KRT79: variants seen among roughly 807,000 people sequenced by gnomAD.
The protein encoded by KRT79 is keratin, type II cytoskeletal 79.
Under a neutral mutation model 49.0 loss-of-function variants are expected in KRT79, and 51 were observed. That is an observed-to-expected ratio of 1.04 (90% CI 0.83 to 1.31). KRT79 has a LOEUF of 1.31. Among genes scored for constraint, KRT79 ranks in the 40% most tolerant of loss-of-function variants. The pLI, the probability that KRT79 is intolerant of heterozygous loss-of-function variation, is 0.00. For missense variants in KRT79, 728 were observed against 688.0 expected, an observed-to-expected ratio of 1.06 and a Z score of -0.65; for synonymous variants, 312 against 286.6, an observed-to-expected ratio of 1.09 and a Z score of -0.90.
intron 1 of KRT79, among the ~76,000 whole-genome samples, chr12:52,832,041 G>A (rs1242074213): frequency 1.3e-5 from 2 of 152,186 alleles, no homozygotes; most frequent in African/African-American, 4.8e-5. Context: ...GCCTGAAGCT[G>A]GAGGAGTGCT....
In KRT79 at chr12:52,833,899, T is replaced by A; in HGVS notation, c.362A>T (p.Gln121Leu). The change falls in exon 1 of 9, where the codon CAG (glutamine) becomes CTG (leucine). Residue 121 changes from glutamine (Q) to leucine (L), a missense_variant. Gln to Leu is a moderately radical substitution (Grantham distance 113, BLOSUM62 -2). Transcript: ENST00000330553. Reference protein sequence around the residue: ...PGGIQEVTVNQSLLTPLHVEI... With the variant: ...PGGIQEVTVNLSLLTPLHVEI... Reference sequence around the variant, plus strand: ...CACATGGAGGGGGGTCAGCAGGCTCTGGTTGACAGTGACCTCCTGGATCCC... The same window carrying A: ...CACATGGAGGGGGGTCAGCAGGCTCAGGTTGACAGTGACCTCCTGGATCCC... The A allele has an allele frequency of 6.2e-7, 1 of 1,613,934 alleles. No homozygotes were observed. The highest frequency in any genetic ancestry group is 2.2e-5 in the East Asian group (1 of 44,852).
At chr12:52,822,200 A>G in intron 8 of KRT79, 123 bp from the exon 9 acceptor site, 1 of 1,283,390 alleles carries the variant, frequency 7.8e-7, no homozygotes, top group South Asian at 1.3e-5. Context: ...TGGATAGAGA[A>G]GCCCAGAACT....
chr12:52,833,741 C>A, intron 1 of KRT79, 43 bp downstream of exon 1: 1 of 1,530,314 alleles, frequency 6.5e-7, no homozygotes, highest in Non-Finnish European at 9.1e-7. Flanking sequence ...AGAGGTCCCG[C>A]TTCTTCCCCA....
rs767613356 is a variant in KRT79 at position 52,834,006 on chromosome 12, C to T, written c.255G>A (p.Leu85=). Residue 85 remains leucine, a synonymous_variant, in exon 1 of 9, where the codon CTG becomes CTA. Coordinates refer to ENST00000330553, the MANE Select transcript of KRT79 (RefSeq NM_175834.3). The part of the protein sequence containing the change: ...VAGGALLGRA[L]GGFGFGSRAF... The stretch of plus-strand genomic sequence containing the variant: ...CCCTGCTGCCAAAGCCAAAGCCCCC[C>T]AGAGCCCGCCCCAACAAGGCCCCTC... The T allele has an allele frequency of 6.2e-7, 1 of 1,612,578 alleles. No homozygotes were observed. Among genetic ancestry groups the T allele is most frequent in the Non-Finnish European group, 8.5e-7 (1 of 1,179,186 alleles).
intron 6 of KRT79, among the ~76,000 whole-genome samples, 196 bp downstream of exon 6, chr12:52,823,691 A>G (rs1354703194): frequency 6.6e-6 from 1 of 152,066 alleles, no homozygotes; most frequent in Admixed American, 6.5e-5. Flanking sequence ...TCTACCACTC[A>G]TATACCATGT....
rs780838140 is a variant in KRT79 at position 52,833,849 on chromosome 12, C to A, written c.412G>T (p.Val138Leu). ...HVEIDPEIQRVRTQEREQIKT... is the reference protein window; with the variant it reads ...HVEIDPEIQRLRTQEREQIKT... ...ATCTGCTCCCGCTCCTGAGTGCGCA[C>A]TCGCTGGATCTCGGGGTCAATCTCC... Residue 138 changes from valine to leucine, a missense_variant, in exon 1 of 9, where the codon GTG (valine) becomes TTG (leucine). Physicochemically the swap from Val to Leu is conservative, Grantham distance 32. Transcript: ENST00000330553. The A allele has an allele frequency of 1.9e-6, 3 of 1,614,030 alleles. No homozygotes were observed. The Admixed American group carries it at 5.0e-5, about 27-fold the overall frequency.
intron 4 of KRT79, among the ~76,000 whole-genome samples, chr12:52,826,031 C>T (rs1024159799): frequency 6.6e-6 from 1 of 152,130 alleles, no homozygotes; most frequent in African/African-American, 2.4e-5. Flanking sequence ...TGTGTTGTCA[C>T]AGCTGCTTTG....
Position 52,829,163 on chromosome 12 carries a change from A to G in KRT79, c.855+860T>C, listed in dbSNP as rs556725763. Among the ~76,000 whole-genome samples the G allele has an allele frequency of 2.0e-5, 3 of 152,190 alleles. No homozygotes were observed. The South Asian group carries it at 6.2e-4, about 31-fold the overall frequency. On this transcript the variant is annotated intron_variant, in intron 4 of 8. Coordinates refer to ENST00000330553, the MANE Select transcript of KRT79 (RefSeq NM_175834.3). ...GGTCTTGAGGTCCCTGCGGACCCTA[A>G]GAGTCTGTGATTCTGCGGTCAATTC...
At chr12:52,829,552 C>T (rs1220497380) in intron 4 of KRT79, among the ~76,000 whole-genome samples, 1 of 152,186 alleles carries the variant, frequency 6.6e-6, no homozygotes, top group African/African-American at 2.4e-5. Flanking sequence ...AAGTTTGCCC[C>T]CGTGCCTGGC....
In KRT79 at chr12:52,822,491, A is replaced by G. The variant is rs1940106849; in HGVS notation, c.1368-112T>C. 9 of 730,352 alleles carry G rather than the reference A, an allele frequency of 1.2e-5. No homozygotes were observed. The Admixed American group carries it at 2.3e-4, about 19-fold the overall frequency. The allele number at this position is 730,352 out of a possible 1,614,324, so 45.2% of individuals were successfully genotyped here. A position where few individuals can be genotyped will look rare whatever the true frequency, so the allele number is the denominator to read the frequency against. On this transcript the variant is annotated intron_variant, in intron 7 of 8. Transcript: ENST00000330553. ...GATCCACTCAGTGAATCCTGATGAC[A>G]AGACCAGGAAACATGAGAAGTATGT...
chr12:52,826,299 A>G (rs777133738), intron 4 of KRT79, among the ~76,000 whole-genome samples: 2 of 152,084 alleles, frequency 1.3e-5, no homozygotes, highest in Non-Finnish European at 2.9e-5. Context: ...TAATCCCAGC[A>G]TTTTGGGAGT....
chr12:52,824,919 G>C (rs1940156276), intron 4 of KRT79, among the ~76,000 whole-genome samples: 1 of 152,240 alleles, frequency 6.6e-6, no homozygotes, highest in African/African-American at 2.4e-5. Flanking sequence ...CCTGGGACCA[G>C]TCAATTGCAC....
At chr12:52,824,991 T>C (rs1206450648) in intron 4 of KRT79, among the ~76,000 whole-genome samples, 1 of 152,234 alleles carries the variant, frequency 6.6e-6, no homozygotes. Context: ...TTGATGTTCT[T>C]GGGCCCTCCT....
chr12:52,824,565 C>A (rs1198765891), intron 4 of KRT79, among the ~76,000 whole-genome samples: 1 of 152,196 alleles, frequency 6.6e-6, no homozygotes, highest in East Asian at 1.9e-4. Context: ...TTACAGACTT[C>A]ATTTATTTTT....
chr12:52,829,924 A>G, intron 4 of KRT79, 99 bp downstream of exon 4: 2 of 958,808 alleles, frequency 2.1e-6, no homozygotes, highest in Non-Finnish European at 1.7e-6. Context: ...ATCTTCCACC[A>G]ATGAGGTTGC....
intron 4 of KRT79, among the ~76,000 whole-genome samples, chr12:52,825,486 C>G (rs1446360479): frequency 6.6e-6 from 1 of 152,146 alleles, no homozygotes; most frequent in African/African-American, 2.4e-5. Context: ...GATTAAGTAA[C>G]TTGGCCCAGA....
In KRT79 at chr12:52,834,139, C is replaced by T. The variant is rs764726714; in HGVS notation, c.122G>A (p.Ser41Asn). 2.5e-6 allele frequency: 4 copies of T among 1,613,560 alleles called. No individual in the cohort carries two copies. Among genetic ancestry groups the T allele is most frequent in the Non-Finnish European group, 3.4e-6 (4 of 1,179,898 alleles). ...TSFSSVTVSR[S>N]SGSGGGAHCG... The stretch of plus-strand genomic sequence containing the variant: ...GTGGGCCCCGCCACCACTGCCACTG[C>T]TCCGAGACACCGTCACTGAGCTGAA... Residue 41 changes from serine to asparagine, a missense_variant, in exon 1 of 9, where the codon AGC becomes AAC. Coordinates refer to ENST00000330553, the MANE Select transcript of KRT79 (RefSeq NM_175834.3).
At chr12:52,826,956 C>G (rs982100858) in intron 4 of KRT79, among the ~76,000 whole-genome samples, 2 of 152,114 alleles carry the variant, frequency 1.3e-5, no homozygotes, top group African/African-American at 4.8e-5. Context: ...GCCGTGAGGA[C>G]CTCTGACAGG....
rs1476870294 is a variant in KRT79 at position 52,831,551 on chromosome 12, C to T, written c.553G>A (p.Gly185Ser). The change falls in exon 2 of 9, where the codon GGT (glycine) becomes AGT (serine). Residue 185 changes from glycine to serine, a missense_variant. Physicochemically the swap from Gly to Ser is moderately conservative, Grantham distance 56. Coordinates refer to ENST00000330553, the MANE Select transcript of KRT79 (RefSeq NM_175834.3). ...ALLQEQGQNL[G>S]VTRNNLEPLF... ...GGCTCCAGGTTGTTCCTGGTGACACCCAAGTTCTGGCCCTGCTCCTGCAGC... is the reference window on the plus strand; with the variant it reads ...GGCTCCAGGTTGTTCCTGGTGACACTCAAGTTCTGGCCCTGCTCCTGCAGC... 2 of 1,614,110 alleles carry T rather than the reference C, an allele frequency of 1.2e-6. No individual in the cohort carries two copies. The highest frequency in any genetic ancestry group is 1.7e-6 in the Non-Finnish European group (2 of 1,180,048).
Sources: allele counts gnomAD v4.1 joint callset (sites outside exome capture counted in the v4.1 genomes callset), GRCh38; gene constraint gnomAD v4.1.1; transcripts MANE v1.5; gene names NCBI Gene and HGNC (gene_info 2026-07-23, HGNC 2026-07-21).